The following FER1L6 variants were observed in gnomAD, a reference collection of about 807,000 sequenced individuals.
FER1L6 encodes fer-1 like family member 6.
In FER1L6, 177 loss-of-function variants were observed where a neutral mutation model predicts 219.2. That is an observed-to-expected ratio of 0.81 (90% confidence interval 0.71 to 0.91). The LOEUF (loss-of-function observed/expected upper bound fraction) is 0.91. Ranked by LOEUF, FER1L6 falls within the 40% of genes least tolerant of loss-of-function variation. The pLI, the probability that FER1L6 is intolerant of heterozygous loss-of-function variation, is 0.00. For missense variants in FER1L6, 2,153 were observed against 2,259.9 expected, an observed-to-expected ratio of 0.95 and a Z score of 0.96; for synonymous variants, 768 against 824.3, an observed-to-expected ratio of 0.93 and a Z score of 1.17.
At chr8:123,876,171 C>A (rs76848307) in intron 1 of FER1L6, among the ~76,000 whole-genome samples, 1 of 152,170 alleles carries the variant, frequency 6.6e-6, no homozygotes, top group Non-Finnish European at 1.5e-5. Flanking sequence ...ACATCCCAGT[C>A]CCACTTACCT....
At chr8:123,912,683 G>A (rs1355352826) in intron 1 of FER1L6, among the ~76,000 whole-genome samples, 2 of 152,126 alleles carry the variant, frequency 1.3e-5, no homozygotes, top group Non-Finnish European at 2.9e-5. Context: ...CAAACTTTCT[G>A]TAGTTAGTAG....
At chr8:123,877,104 A>C (rs1457414457) in intron 1 of FER1L6, among the ~76,000 whole-genome samples, 3 of 152,216 alleles carry the variant, frequency 2.0e-5, no homozygotes, top group Admixed American at 1.3e-4. Flanking sequence ...TCCTCCTCCT[A>C]CTGGTATCGC....
At chr8:123,987,527 T>C (rs1326546792) in intron 12 of FER1L6, among the ~76,000 whole-genome samples, 2 of 152,222 alleles carry the variant, frequency 1.3e-5, no homozygotes, top group Non-Finnish European at 2.9e-5. Context: ...TTTAACTCGA[T>C]GTGATCCCAT....
intron 39 of FER1L6, among the ~76,000 whole-genome samples, chr8:124,118,422 A>T (rs1207748096): frequency 6.6e-6 from 1 of 152,242 alleles, no homozygotes; most frequent in Non-Finnish European, 1.5e-5. Context: ...GCCATTCAGC[A>T]AATGTGGGGC....
chr8:123,938,452 G>C (rs1814090569), intron 1 of FER1L6, among the ~76,000 whole-genome samples: 1 of 151,986 alleles, frequency 6.6e-6, no homozygotes, highest in Non-Finnish European at 1.5e-5. Flanking sequence ...GATCTACTGG[G>C]TAATGCCCAC....
intron 1 of FER1L6, among the ~76,000 whole-genome samples, chr8:123,880,069 T>A (rs1231929812): frequency 6.6e-6 from 1 of 152,124 alleles, no homozygotes; most frequent in Non-Finnish European, 1.5e-5. Context: ...TATTTGAAAA[T>A]TATGATTATC....
At chr8:124,076,607 A>C (rs2130892082) in intron 32 of FER1L6, among the ~76,000 whole-genome samples, 1 of 152,300 alleles carries the variant, frequency 6.6e-6, no homozygotes, top group Non-Finnish European at 1.5e-5. Context: ...GAACTTAAGT[A>C]GAGAAATATA....
intron 31 of FER1L6, among the ~76,000 whole-genome samples, chr8:124,075,505 A>G (rs1821245807): frequency 6.6e-6 from 1 of 152,156 alleles, no homozygotes; most frequent in Admixed American, 6.5e-5. Context: ...GGACCTGCCT[A>G]TGGATGTTTT....
rs1227474150 is a variant in FER1L6, at chr8:124,101,176, TG to T, written c.4965del (p.Trp1655CysfsTer27). On this transcript the variant is annotated frameshift_variant, in exon 38 of 41. Coordinates refer to ENST00000522917, the MANE Select transcript of FER1L6 (RefSeq NM_001039112.2). LOFTEE classifies it high-confidence loss of function. ...NSLTGEGNFNWRFLFPFQYLP... is the reference protein window; with the variant it reads ...NSLTGEGNFNXRFLFPFQYLP... ...CCTGACTGGAGAGGGCAACTTCAAC[TG>T]GCGCTTCCTGTTTCCCTTTCAGTAT... The T allele has an allele frequency of 1.2e-6, 2 of 1,613,832 alleles. No homozygotes were observed. The highest frequency in any genetic ancestry group is 2.7e-5 in the African/African-American group (2 of 74,854).
At chr8:123,899,327 C>T (rs1181294958) in intron 1 of FER1L6, among the ~76,000 whole-genome samples, 2 of 151,806 alleles carry the variant, frequency 1.3e-5, no homozygotes, top group Non-Finnish European at 2.9e-5. Flanking sequence ...CTATTCATGC[C>T]CTTAGCCCAC....
intron 11 of FER1L6, among the ~76,000 whole-genome samples, chr8:123,981,733 C>T (rs1816335036): frequency 6.6e-6 from 1 of 152,086 alleles, no homozygotes; most frequent in Non-Finnish European, 1.5e-5. Flanking sequence ...GGCTGGAAAT[C>T]TTGGGGTTGG....
chr8:124,056,041 C>T (rs1820280132), intron 22 of FER1L6, among the ~76,000 whole-genome samples: 1 of 152,154 alleles, frequency 6.6e-6, no homozygotes, highest in Non-Finnish European at 1.5e-5. Context: ...CTGCTGCTGC[C>T]TCATAAGGAC....
chr8:123,879,390 G>A (rs1287113664), intron 1 of FER1L6, among the ~76,000 whole-genome samples: 2 of 151,940 alleles, frequency 1.3e-5, no homozygotes, highest in African/African-American at 4.8e-5. Flanking sequence ...GCAGTGGTGC[G>A]ATCTCGGCTC....
At chr8:123,985,827 T>C in intron 11 of FER1L6, 1 of 395,496 alleles carries the variant, frequency 2.5e-6, no homozygotes, top group Non-Finnish European at 4.5e-6. Flanking sequence ...AGTTTTGTTT[T>C]AAGGTAGAAG....
chr8:124,040,506 T>G (rs564474458), intron 20 of FER1L6: 1 of 183,118 alleles, frequency 5.5e-6, no homozygotes, highest in East Asian at 1.3e-4. Flanking sequence ...TGGAAAATAC[T>G]ACTTCATAAT....
chr8:123,959,266 G>T (rs1468898150), intron 2 of FER1L6, among the ~76,000 whole-genome samples: 1 of 152,190 alleles, frequency 6.6e-6, no homozygotes, highest in African/African-American at 2.4e-5. Context: ...GGAGGCATAT[G>T]TGATTTGCTA....
At chr8:123,879,800 C>T (rs2129657233) in intron 1 of FER1L6, among the ~76,000 whole-genome samples, 1 of 152,296 alleles carries the variant, frequency 6.6e-6, no homozygotes, top group African/African-American at 2.4e-5. Flanking sequence ...TCACATCTCT[C>T]AGGGTCGAAT....
chr8:124,049,488 T>G, intron 21 of FER1L6, 119 bp from the exon 22 acceptor site: 11 of 1,152,498 alleles, frequency 9.5e-6, no homozygotes, highest in Non-Finnish European at 1.4e-5. Flanking sequence ...GAGAAAAGAG[T>G]GAGACATGGA....
chr8:123,940,783 C>T (rs1175176233), intron 1 of FER1L6, among the ~76,000 whole-genome samples: 2 of 152,186 alleles, frequency 1.3e-5, no homozygotes, highest in Non-Finnish European at 2.9e-5. Flanking sequence ...AAGCTTATTT[C>T]CCAGAGCTGT....
Sources: gnomAD v4.1 joint callset for allele counts (sites outside exome capture counted in the v4.1 genomes callset) on GRCh38, gnomAD v4.1.1 for gene constraint, MANE v1.5 for transcripts, NCBI Gene and HGNC (gene_info 2026-07-23, HGNC 2026-07-21) for gene names.